Variants in PPFIA2 observed in about 807,000 individuals in gnomAD.
The protein encoded by PPFIA2 is liprin-alpha-2.
PPFIA2 carries 46 observed loss-of-function variants against 175.5 expected under a neutral mutation model. That is an observed-to-expected ratio of 0.26 (90% CI 0.21 to 0.34). The LOEUF (loss-of-function observed/expected upper bound fraction) is 0.34, where lower values mean the gene tolerates loss of function less well. Among genes scored for constraint, PPFIA2 ranks in the 10% least tolerant of loss-of-function variants. PPFIA2 has a pLI of 1.00. For synonymous variants in PPFIA2, 568 were observed against 511.4 expected, an observed-to-expected ratio of 1.11 and a Z score of -1.49; for missense variants, 1,179 against 1,506.1, an observed-to-expected ratio of 0.78 and a Z score of 3.60.
chr12:81,698,587 G>T (rs2076144200), intron 3 of PPFIA2, among the ~76,000 whole-genome samples: 1 of 152,130 alleles, frequency 6.6e-6, no homozygotes, highest in South Asian at 2.1e-4. Flanking sequence ...CCAGAGGAAA[G>T]AACATGAAGA....
intron 3 of PPFIA2, among the ~76,000 whole-genome samples, chr12:81,734,447 T>C (rs549921603): frequency 1.2e-3 from 176 of 151,900 alleles, no homozygotes; most frequent in African/African-American, 3.7e-3. Context: ...GAGAGGCAGA[T>C]TAGAGGTCAG....
At chr12:81,451,624 G>A (rs1208173423) in intron 5 of PPFIA2, among the ~76,000 whole-genome samples, 2 of 152,056 alleles carry the variant, frequency 1.3e-5, no homozygotes, top group Admixed American at 6.6e-5. Context: ...TCATCTACAT[G>A]ATAATAAAAA....
rs533555962 is a variant in PPFIA2 at position 81,422,154 on chromosome 12, G to GTATA, written c.646-16255_646-16252dup. Among the ~76,000 whole-genome samples the GTATA allele has an allele frequency of 3.2e-3, 228 of 70,636 alleles. 1 individual carries two copies. The highest frequency in any genetic ancestry group is 0.019 in the East Asian group (30 of 1,614). 46.3% of individuals were successfully genotyped at this position (70,636 alleles called of 152,430 possible). ...TATATATATGTGTATATATATGTGT[G>GTATA]TATATATATATATATATATGTCATT... On this transcript the variant is annotated intron_variant, in intron 7 of 32. Coordinates refer to ENST00000549396, the MANE Select transcript of PPFIA2 (RefSeq NM_003625.5).
At chr12:81,422,264 T>C (rs938788769) in intron 7 of PPFIA2, among the ~76,000 whole-genome samples, 1 of 151,628 alleles carries the variant, frequency 6.6e-6, no homozygotes, top group African/African-American at 2.4e-5. Flanking sequence ...CAAAGACTAG[T>C]AGAATTGTGT....
chr12:81,333,642 A>T (rs2056559173), intron 21 of PPFIA2, among the ~76,000 whole-genome samples: 1 of 152,118 alleles, frequency 6.6e-6, no homozygotes, highest in African/African-American at 2.4e-5. Flanking sequence ...TTCTTTAAAA[A>T]CTTGCTTCCA....
At position 81,336,881 on chromosome 12, in the gene PPFIA2, A is replaced by G. The variant is rs1004539949; in HGVS notation, c.2548+2299T>C. ...GTTTTAGAATTTTCCAGATCAAGAC[A>G]TTAAAATCATAATCACTCGAGATTT... On this transcript the variant is annotated intron_variant, in intron 21 of 32. Transcript: ENST00000549396. Among the ~76,000 whole-genome samples the G allele has an allele frequency of 3.5e-4, 54 of 152,158 alleles. 1 individual carries two copies. The highest frequency in any genetic ancestry group is 1.5e-4 in the Non-Finnish European group (10 of 68,020).
intron 28 of PPFIA2, among the ~76,000 whole-genome samples, chr12:81,270,249 G>C (rs1000163889): frequency 8.5e-5 from 13 of 152,120 alleles, no homozygotes; most frequent in African/African-American, 2.9e-4. Flanking sequence ...ATTAATGTCT[G>C]AACATCTTCA....
intron 4 of PPFIA2, among the ~76,000 whole-genome samples, chr12:81,653,501 G>C (rs1183469624): frequency 6.6e-6 from 1 of 151,918 alleles, no homozygotes; most frequent in Non-Finnish European, 1.5e-5. Flanking sequence ...CCAGATTCTG[G>C]TGGTTGTTAG....
chr12:81,419,986 G>A (rs542145688), intron 7 of PPFIA2, among the ~76,000 whole-genome samples: 1 of 152,262 alleles, frequency 6.6e-6, no homozygotes, highest in African/African-American at 2.4e-5. Context: ...GACCCTGCAA[G>A]TCATTGCTGC....
At chr12:81,746,936 A>C (rs1325715363) in intron 3 of PPFIA2, among the ~76,000 whole-genome samples, 1 of 143,962 alleles carries the variant, frequency 6.9e-6, no homozygotes, top group African/African-American at 2.4e-5. Context: ...GAAATAATTA[A>C]TAGCATTGCT....
chr12:81,302,736 T>G (rs985705016), intron 22 of PPFIA2: 1 of 445,822 alleles, frequency 2.2e-6, no homozygotes, highest in Admixed American at 2.4e-5. Flanking sequence ...AGAACAGCAT[T>G]GAAATTTACA....
intron 4 of PPFIA2, among the ~76,000 whole-genome samples, chr12:81,490,963 C>T (rs558865583): frequency 6.6e-6 from 1 of 152,070 alleles, no homozygotes; most frequent in African/African-American, 2.4e-5. Context: ...TACTTTTGGC[C>T]TTATCTTCTG....
chr12:81,367,067 A>G, intron 14 of PPFIA2, 41 bp downstream of exon 14: 1 of 1,391,130 alleles, frequency 7.2e-7, no homozygotes, highest in Non-Finnish European at 9.4e-7. Context: ...AATAGAAAAT[A>G]AAAATAGAAA....
At chr12:81,653,271 C>T (rs893414857) in intron 4 of PPFIA2, among the ~76,000 whole-genome samples, 1 of 152,124 alleles carries the variant, frequency 6.6e-6, no homozygotes, top group Non-Finnish European at 1.5e-5. Context: ...CAGGACCTAG[C>T]ATGATTAGCT....
chr12:81,431,523 C>T (rs2144520496), intron 7 of PPFIA2: 1 of 152,234 alleles, frequency 6.6e-6, no homozygotes, highest in South Asian at 2.1e-4. Context: ...AACACATTTT[C>T]ATTATGTATA....
chr12:81,344,766 T>A (rs2058747810), intron 18 of PPFIA2, 73 bp from the exon 19 acceptor site: 1 of 1,103,578 alleles, frequency 9.1e-7, no homozygotes, highest in African/African-American at 1.6e-5. Flanking sequence ...AAGTTACAAT[T>A]TTAAATAGTG....
chr12:81,679,139 T>C (rs1304125576), intron 3 of PPFIA2, among the ~76,000 whole-genome samples: 1 of 151,822 alleles, frequency 6.6e-6, no homozygotes, highest in East Asian at 1.9e-4. Flanking sequence ...ATGAACAACA[T>C]TAGGTAGTAA....
intron 14 of PPFIA2, among the ~76,000 whole-genome samples, chr12:81,366,077 C>T (rs1595640981): frequency 7.0e-6 from 1 of 143,230 alleles, no homozygotes; most frequent in African/African-American, 2.6e-5. Context: ...TCCCTCCCTT[C>T]TTTCTTCCCC....
Position 81,504,242 on chromosome 12 carries a change from A to T in PPFIA2, c.304-46376T>A, listed in dbSNP as rs1252013986. On this transcript the variant is annotated intron_variant, in intron 4 of 32. Transcript: ENST00000549396. ...GAATGGGATAAAATTTTTGCAATCTATCCATCTGACAAACGGCTAATATCT... is the reference window on the plus strand; with the variant it reads ...GAATGGGATAAAATTTTTGCAATCTTTCCATCTGACAAACGGCTAATATCT... Among the ~76,000 whole-genome samples, 6 of 152,156 alleles carry T rather than the reference A, an allele frequency of 3.9e-5. No homozygotes were observed. In the East Asian group the frequency reaches 1.2e-3, roughly 29 times the overall value.
Sources: gnomAD v4.1 joint callset for allele counts (sites outside exome capture counted in the v4.1 genomes callset) on GRCh38, gnomAD v4.1.1 for gene constraint, MANE v1.5 for transcripts, NCBI Gene and HGNC (gene_info 2026-07-23, HGNC 2026-07-21) for gene names.